NOL9: variants seen among roughly 807,000 people sequenced by gnomAD.
NOL9 encodes nucleolar protein 9, also known as polynucleotide 5'-hydroxyl-kinase NOL9.
Under a neutral mutation model 67.9 loss-of-function variants are expected in NOL9, and 28 were observed. That is an observed-to-expected ratio of 0.41 (90% CI 0.31 to 0.57). NOL9 has a LOEUF of 0.57. NOL9 is among the 20% of genes least tolerant of loss of function. The probability of loss-of-function intolerance (pLI) is 0.25; values close to 1 mark genes in which losing one functional copy is unlikely to be tolerated. For synonymous variants in NOL9, 356 were observed against 352.2 expected (o/e 1.01, Z -0.12); for missense variants, 777 against 897.0 (o/e 0.87, Z 1.71).
chr1:6,545,919 CAAAAA>C (rs66980518), intron 3 of NOL9, among the ~76,000 whole-genome samples: 12 of 59,686 alleles, frequency 2.0e-4, no homozygotes, highest in African/African-American at 5.5e-4. Context: ...GTCTGTGTCT[CAAAAA>C]AAAAAAAAAA....
At chr1:6,542,157 T>G (rs1639306374) in intron 5 of NOL9, among the ~76,000 whole-genome samples, 1 of 68,642 alleles carries the variant, frequency 1.5e-5, no homozygotes, top group African/African-American at 5.0e-5. Context: ...CAACTTGCTC[T>G]TTCAGATTTT....
Position 6,533,446 on chromosome 1 carries a change from A to C in NOL9, c.1076-5T>G. ...TCAGGTGAGTGAAAGGTGGTCCTAA[A>C]AAGATAAAGATGAGTAATCAGATGA... On this transcript the variant is annotated splice_polypyrimidine_tract_variant and splice_region_variant and intron_variant, in intron 6 of 11. Coordinates refer to ENST00000377705, the MANE Select transcript of NOL9 (RefSeq NM_024654.5). The C allele has an allele frequency of 1.9e-6, 3 of 1,575,030 alleles. No homozygotes were observed. Among genetic ancestry groups the C allele is most frequent in the Non-Finnish European group, 2.6e-6 (3 of 1,156,836 alleles).
Position 6,554,413 on chromosome 1 carries a change from G to A in NOL9, c.90C>T (p.Ser30=). ...VRKARPQLIL[S]RRPRRRLGSL... is the part of the protein sequence containing the mutation. ...TCCCGAGCCGGCGGCGGGGCCGGCG[G>A]CTGAGGATGAGCTGGGGCCGGGCCT... The change falls in exon 1 of 12, where the codon AGC becomes AGT. Residue 30 remains serine, a synonymous_variant. Transcript: ENST00000377705. The A allele has an allele frequency of 6.6e-7, 1 of 1,519,606 alleles. No homozygotes were observed. The highest frequency in any genetic ancestry group is 8.7e-7 in the Non-Finnish European group (1 of 1,147,856). The allele number at this position is 1,519,606 out of a possible 1,614,324, so 94.1% of individuals were successfully genotyped here. A position where few individuals can be genotyped will look rare whatever the true frequency, so the allele number is the denominator to read the frequency against.
chr1:6,551,596 A>AAAAT (rs1033991317), intron 1 of NOL9, among the ~76,000 whole-genome samples: 2 of 151,846 alleles, frequency 1.3e-5, no homozygotes, highest in African/African-American at 2.4e-5. Flanking sequence ...TACTGTCCCA[A>AAAAT]AAATAAATAA....
chr1:6,532,534 T>G lies in NOL9; in HGVS notation c.1464A>C (p.Pro488=). ...TCAGTTTATGTCCAGTGAACTCAAC[T>G]GGACTCTCTTTTTCTTCATCAGCAA... ...LEFADEEKES[P]VEFTGHKLIG... Residue 488 remains proline (P), a synonymous_variant, in exon 8 of 12, where the codon CCA becomes CCC. Coordinates refer to ENST00000377705, the MANE Select transcript of NOL9 (RefSeq NM_024654.5). 1.2e-6 allele frequency: 2 copies of G among 1,614,248 alleles called. No homozygotes were observed. Among genetic ancestry groups the G allele is most frequent in the East Asian group, 4.5e-5 (2 of 44,890 alleles).
rs1638966488 is a variant in NOL9, at chr1:6,529,321, T to C, written c.1648-150A>G. ...AAAGAATAAAAACAGCCAGGCACAG[T>C]GGCTCACGCATGTAATCCCAGCACT... On this transcript the variant is annotated intron_variant, in intron 9 of 11. Transcript: ENST00000377705. The C allele has an allele frequency of 2.2e-5, 16 of 721,280 alleles. No individual in the cohort carries two copies. The East Asian group carries it at 4.4e-4, about 20-fold the overall frequency. The allele number at this position is 721,280 out of a possible 1,614,324, so 44.7% of individuals were successfully genotyped here.
chr1:6,524,989 T>G lies in NOL9; in HGVS notation c.*865A>C, dbSNP rs1011505879. On this transcript the variant is annotated 3_prime_UTR_variant, in exon 12 of 12. Coordinates refer to ENST00000377705, the MANE Select transcript of NOL9 (RefSeq NM_024654.5). ...CTCCTGACCTCGTGAACCGCCTGCCTTGGCCTCCCAAAGTGCTGGAATTAC... is the reference window on the plus strand; with the variant it reads ...CTCCTGACCTCGTGAACCGCCTGCCGTGGCCTCCCAAAGTGCTGGAATTAC... 11 of 152,094 alleles carry G rather than the reference T, an allele frequency of 7.2e-5. No homozygotes were observed. The highest frequency in any genetic ancestry group is 2.4e-4 in the African/African-American group (10 of 41,396). The allele number at this position is 152,094 out of a possible 1,614,324, so 9.4% of individuals were successfully genotyped here. A position where few individuals can be genotyped will look rare whatever the true frequency, so the allele number is the denominator to read the frequency against.
rs1639496835 is a variant in NOL9 at position 6,549,605 on chromosome 1, C to T, written c.710G>A (p.Ser237Asn). ...LKTATVNFITSYPGSSYIFVQ... is the reference protein window; with the variant it reads ...LKTATVNFITNYPGSSYIFVQ... ...AAAAATGTAGGATGAACCCGGATAG[C>T]TGGTTATGAAGTTTACAGTGGCAGT... Residue 237 changes from serine (S) to asparagine (N), a missense_variant, in exon 3 of 12, where the codon AGC becomes AAC. By Grantham distance (46) the Ser-to-Asn change is conservative (BLOSUM62 1). Around this residue, in one of 2 missense-constraint regions of NOL9, gnomAD observed 364 missense variants for 344.4 expected, o/e 1.06. Transcript: ENST00000377705. The T allele has an allele frequency of 6.2e-7, 1 of 1,614,108 alleles. No individual in the cohort carries two copies. The highest frequency in any genetic ancestry group is 1.1e-5 in the South Asian group (1 of 91,082).
At chr1:6,536,028 C>T (rs984787697) in intron 6 of NOL9, among the ~76,000 whole-genome samples, 1 of 152,074 alleles carries the variant, frequency 6.6e-6, no homozygotes, top group Admixed American at 6.6e-5. Flanking sequence ...TGAGACACTG[C>T]CTCTACAAAT....
chr1:6,530,319 T>A (rs928878490), intron 9 of NOL9, among the ~76,000 whole-genome samples: 1 of 152,032 alleles, frequency 6.6e-6, no homozygotes, highest in Non-Finnish European at 1.5e-5. Context: ...CTGGGCGTGG[T>A]GGCACGTGCC....
intron 2 of NOL9, among the ~76,000 whole-genome samples, 179 bp from the exon 3 acceptor site, chr1:6,549,877 G>A (rs748107982): frequency 6.6e-6 from 1 of 152,094 alleles, no homozygotes; most frequent in Non-Finnish European, 1.5e-5. Context: ...GAAGTCAATC[G>A]AGGTTTGCCA....
intron 8 of NOL9, 128 bp from the exon 9 acceptor site, chr1:6,532,207 C>T (rs1639045131): frequency 1.3e-6 from 1 of 788,854 alleles, no homozygotes; most frequent in Admixed American, 2.6e-5. Flanking sequence ...CCTTGACGGA[C>T]CCCAACTGGA....
chr1:6,544,740 C>T, intron 5 of NOL9, 86 bp downstream of exon 5: 1 of 1,382,362 alleles, frequency 7.2e-7, no homozygotes, highest in Middle Eastern at 1.8e-4. Context: ...TAGCTAGAAG[C>T]CAAGAAGCAT....
chr1:6,547,008 G>C lies in NOL9; in HGVS notation c.745-1828C>G, dbSNP rs148283619. ...CGCCACCGCTGTTCAGTTAACTCTC[G>C]TTTAAAGACTTCCTGACCTACAGGA... On this transcript the variant is annotated intron_variant, in intron 3 of 11. Coordinates refer to ENST00000377705, the MANE Select transcript of NOL9 (RefSeq NM_024654.5). 2.3e-3 allele frequency among the ~76,000 whole-genome samples: 357 copies of C among 152,240 alleles called. 2 individuals carry two copies. The highest frequency in any genetic ancestry group is 8.3e-3 in the African/African-American group (343 of 41,536).
intron 9 of NOL9, 72 bp from the exon 10 acceptor site, chr1:6,529,243 T>C (rs1237209227): frequency 7.4e-7 from 1 of 1,359,976 alleles, no homozygotes; most frequent in Non-Finnish European, 1.0e-6. Flanking sequence ...ACAACTAGAT[T>C]AACCAGCTAT....
At position 6,554,314 on chromosome 1, in the gene NOL9, C is replaced by A. The variant is rs1322566688; in HGVS notation, c.189G>T (p.Arg63Ser). 2 of 1,477,520 alleles carry A rather than the reference C, an allele frequency of 1.4e-6. No homozygotes were observed. Among genetic ancestry groups the A allele is most frequent in the Non-Finnish European group, 1.8e-6 (2 of 1,117,728 alleles). 91.5% of individuals were successfully genotyped at this position (1,477,520 alleles called of 1,614,324 possible). A position where few individuals can be genotyped will look rare whatever the true frequency, so the allele number is the denominator to read the frequency against. The change falls in exon 1 of 12, where the codon AGG (arginine) becomes AGT (serine). Residue 63 changes from arginine (R) to serine (S), a missense_variant. Arg to Ser is a moderately radical substitution (Grantham distance 110). Transcript: ENST00000377705. ...CGCGCGACACCTGGCGGGCTCCCTC[C>A]CTCCAGTCCACGCCGGACGCCTGGG... ...LQAQASGVDW[R>S]EGARQVSRAA... is the part of the protein sequence containing the mutation.
At chr1:6,538,970 T>G (rs1482070677) in intron 6 of NOL9, among the ~76,000 whole-genome samples, 1 of 152,092 alleles carries the variant, frequency 6.6e-6, no homozygotes, top group Non-Finnish European at 1.5e-5. Flanking sequence ...AGACTCTGTC[T>G]CAGAAACAAA....
In NOL9 at chr1:6,544,543, A is replaced by ACCC. The variant is rs33922236; in HGVS notation, c.977+280_977+282dup. Among the ~76,000 whole-genome samples the ACCC allele has an allele frequency of 6.7e-3, 164 of 24,502 alleles. 4 individuals are homozygous for ACCC. The highest frequency in any genetic ancestry group is 0.042 in the South Asian group (22 of 530). 16.1% of individuals were successfully genotyped at this position (24,502 alleles called of 152,430 possible). On this transcript the variant is annotated intron_variant, in intron 5 of 11. Coordinates refer to ENST00000377705, the MANE Select transcript of NOL9 (RefSeq NM_024654.5). ...CACACACACACGCACGCACACACGC[A>ACCC]CCCCCCCCCCGCCCCCCACCCCAGA...
intron 10 of NOL9, among the ~76,000 whole-genome samples, chr1:6,527,487 A>T (rs776242633): frequency 2.6e-5 from 4 of 151,858 alleles, no homozygotes; most frequent in Non-Finnish European, 5.9e-5. Flanking sequence ...TCTCTACTAA[A>T]ATCACAAAAA....
Sources: gnomAD v4.1 joint callset for allele counts (sites outside exome capture counted in the v4.1 genomes callset) on GRCh38, gnomAD v4.1.1 for gene constraint, gnomAD v4.1.1 regional missense constraint, MANE v1.5 for transcripts, NCBI Gene and HGNC (gene_info 2026-07-23, HGNC 2026-07-21) for gene names.